VCL: variants seen among roughly 807,000 people sequenced by gnomAD.
The protein encoded by VCL is vinculin.
Under a neutral mutation model 125.7 loss-of-function variants are expected in VCL, and 47 were observed. That is an observed-to-expected ratio of 0.37 (90% confidence interval 0.30 to 0.48). The LOEUF is 0.48. Among genes scored for constraint, VCL ranks in the 20% least tolerant of loss-of-function variants. VCL has a pLI of 0.99. For missense variants in VCL, 1,069 were observed against 1,455.5 expected, an observed-to-expected ratio of 0.73 and a Z score of 4.32; for synonymous variants, 458 against 514.6, an observed-to-expected ratio of 0.89 and a Z score of 1.49.
intron 15 of VCL, among the ~76,000 whole-genome samples, chr10:74,104,156 C>A (rs1215737405): frequency 6.6e-6 from 1 of 152,112 alleles, no homozygotes; most frequent in Non-Finnish European, 1.5e-5. Context: ...TTTAATGCTG[C>A]CCTCCTGGCG....
chr10:74,107,882 A>G lies in VCL; in HGVS notation c.2559+528A>G, dbSNP rs138562905. ...ACTACCCCCCGCAAGTACTGTGAAT[A>G]TATTTTTACATGGTGTAGGAAGAAG... On this transcript the variant is annotated intron_variant, in intron 17 of 21. Transcript: ENST00000211998. Among the ~76,000 whole-genome samples, 514 of 152,242 alleles carry G rather than the reference A, an allele frequency of 3.4e-3. 1 individual carries two copies. Among genetic ancestry groups the G allele is most frequent in the African/African-American group, 0.011 (475 of 41,530 alleles).
intron 5 of VCL, among the ~76,000 whole-genome samples, 195 bp from the exon 6 acceptor site, chr10:74,074,548 C>CT (rs1455276402): frequency 6.6e-6 from 1 of 151,990 alleles, no homozygotes; most frequent in African/African-American, 2.4e-5. Context: ...CTTGAGTTTT[C>CT]TTTTTCTTTT....
chr10:74,043,278 C>A (rs1449311869), intron 2 of VCL, 125 bp downstream of exon 2: 4 of 826,768 alleles, frequency 4.8e-6, no homozygotes, highest in East Asian at 2.6e-5. Flanking sequence ...GAAATTTCAA[C>A]TTTTTTGTCT....
intron 1 of VCL, among the ~76,000 whole-genome samples, chr10:74,026,544 A>T (rs1412078442): frequency 1.3e-5 from 2 of 150,892 alleles, no homozygotes; most frequent in Non-Finnish European, 3.0e-5. Flanking sequence ...ATGAAAAATA[A>T]TTTTTTTTTT....
rs1194793526 is a variant in VCL at position 74,118,286 on chromosome 10, C to A, written c.*117C>A. 3.0e-6 allele frequency: 4 copies of A among 1,312,954 alleles called. No homozygotes were observed. The African/African-American group carries it at 4.4e-5, about 14-fold the overall frequency. 81.3% of individuals were successfully genotyped at this position (1,312,954 alleles called of 1,614,324 possible). On this transcript the variant is annotated 3_prime_UTR_variant, in exon 22 of 22. Coordinates refer to ENST00000211998, the MANE Select transcript of VCL (RefSeq NM_014000.3). ...TGAAAAATCACATCCTGGCCTGGCA[C>A]ATCAGAAAGGAATGGGGGCCTCTTC...
At chr10:74,042,095 A>C (rs190050243) in intron 1 of VCL, among the ~76,000 whole-genome samples, 2 of 152,294 alleles carry the variant, frequency 1.3e-5, no homozygotes, top group African/African-American at 4.8e-5. Flanking sequence ...TTGTTGCTTT[A>C]TTTATACATG....
At chr10:74,015,156 A>G (rs1247802284) in intron 1 of VCL, among the ~76,000 whole-genome samples, 2 of 152,260 alleles carry the variant, frequency 1.3e-5, no homozygotes, top group Non-Finnish European at 2.9e-5. Flanking sequence ...GGTTATACTC[A>G]GTATTTCTAG....
chr10:74,008,787 G>A (rs893562194), intron 1 of VCL, among the ~76,000 whole-genome samples: 2 of 152,212 alleles, frequency 1.3e-5, no homozygotes, highest in African/African-American at 4.8e-5. Flanking sequence ...TCAGAGATTA[G>A]CTGCTTTCTT....
chr10:74,108,874 G>C, intron 17 of VCL, 97 bp from the exon 18 acceptor site: 1 of 1,395,972 alleles, frequency 7.2e-7, no homozygotes, highest in Non-Finnish European at 1.0e-6. Flanking sequence ...GAGTCAATAT[G>C]GGTGGGTTTT....
chr10:74,027,096 T>C (rs911349009), intron 1 of VCL, among the ~76,000 whole-genome samples: 5 of 152,138 alleles, frequency 3.3e-5, no homozygotes, highest in African/African-American at 1.2e-4. Context: ...AAGGATGCAT[T>C]TTAAATTCTG....
At chr10:74,057,187 C>T (rs1298728882) in intron 2 of VCL, among the ~76,000 whole-genome samples, 2 of 151,952 alleles carry the variant, frequency 1.3e-5, no homozygotes, top group Non-Finnish European at 2.9e-5. Flanking sequence ...TCAAGCAATC[C>T]TCCCACCTCA....
chr10:74,095,824 CA>C lies in VCL; in HGVS notation c.1713del (p.Ala573HisfsTer8), dbSNP rs779488376. On this transcript the variant is annotated frameshift_variant, in exon 12 of 22. Coordinates refer to ENST00000211998, the MANE Select transcript of VCL (RefSeq NM_014000.3). LOFTEE classifies it high-confidence loss of function. The stretch of plus-strand genomic sequence containing the variant: ...GAAGGGGAGAGTCCTCAGGCACGAG[CA>C]CTTGCATCTCAGCTCCAAGACTCCT... Reference protein sequence around the residue: ...RGEGESPQARALASQLQDSLK... With the variant: ...RGEGESPQARXLASQLQDSLK... 29 of 1,613,948 alleles carry C rather than the reference CA, an allele frequency of 1.8e-5. No individual in the cohort carries two copies. Among genetic ancestry groups the C allele is most frequent in the Non-Finnish European group, 5.1e-6 (6 of 1,180,024 alleles).
At chr10:74,074,666 G>T (rs1174548704) in intron 5 of VCL, 77 bp from the exon 6 acceptor site, 3 of 1,543,638 alleles carry the variant, frequency 1.9e-6, no homozygotes, top group Non-Finnish European at 2.7e-6. Context: ...CATCTAAAGT[G>T]TAGAACATCT....
At chr10:74,054,945 C>G (rs913699893) in intron 2 of VCL, among the ~76,000 whole-genome samples, 3 of 151,602 alleles carry the variant, frequency 2.0e-5, no homozygotes, top group Non-Finnish European at 4.4e-5. Flanking sequence ...ACAGAAAAAC[C>G]AACAACAAAA....
chr10:74,107,875 T>C (rs1874150), intron 17 of VCL, among the ~76,000 whole-genome samples: 102,886 of 151,976 alleles, frequency 0.68, 35,612 homozygotes, highest in Middle Eastern at 0.83. Flanking sequence ...CCGCAAGTAC[T>C]GTGAATATAT....
At chr10:74,101,634 C>T (rs369855420) in intron 14 of VCL, among the ~76,000 whole-genome samples, 250 of 143,220 alleles carry the variant, frequency 1.7e-3, no homozygotes, top group African/African-American at 5.6e-3. Flanking sequence ...CGGCTCACTG[C>T]AAGCTCCGCT....
intron 2 of VCL, among the ~76,000 whole-genome samples, chr10:74,066,060 TA>T (rs199738382): frequency 0.018 from 2,541 of 141,378 alleles, 36 homozygotes; most frequent in South Asian, 0.032. Context: ...TATATATATA[TA>T]TTTTTTTTTT....
chr10:74,043,237 T>A, intron 2 of VCL, 84 bp downstream of exon 2: 1 of 1,256,856 alleles, frequency 8.0e-7, no homozygotes, highest in Non-Finnish European at 1.2e-6. Context: ...AGTAACAACT[T>A]TTTTTTGGTA....
At chr10:74,059,983 G>A (rs1201879953) in intron 2 of VCL, among the ~76,000 whole-genome samples, 1 of 151,228 alleles carries the variant, frequency 6.6e-6, no homozygotes, top group East Asian at 1.9e-4. Flanking sequence ...GACAACATAG[G>A]GAGACCTTGT....
Sources: allele counts gnomAD v4.1 joint callset (sites outside exome capture counted in the v4.1 genomes callset), GRCh38; gene constraint gnomAD v4.1.1; transcripts MANE v1.5; gene names NCBI Gene and HGNC (gene_info 2026-07-23, HGNC 2026-07-21).